NLGN4X: variants seen among roughly 807,000 people sequenced by gnomAD.
NLGN4X encodes neuroligin 4 X-linked.
NLGN4X carries 3 observed loss-of-function variants against 40.3 expected under a neutral mutation model. The ratio of observed to expected loss-of-function variants is 0.07; its 90% CI spans 0.03 to 0.19. The LOEUF is 0.19. Ranked by LOEUF, NLGN4X falls within the 10% of genes least tolerant of loss-of-function variation. The probability of loss-of-function intolerance (pLI) is 1.00; values close to 1 mark genes in which losing one functional copy is unlikely to be tolerated. For synonymous variants in NLGN4X, 270 were observed against 306.8 expected (o/e 0.88, Z 1.25); for missense variants, 382 against 708.3 (o/e 0.54, Z 5.23).
intron 1 of NLGN4X, among the ~76,000 whole-genome samples, chrX:6,168,632 T>C (rs1051113640): frequency 4.5e-5 from 5 of 111,698 alleles, no homozygotes; most frequent in South Asian, 3.7e-4. Context: ...TGCCATCATG[T>C]CCAGCTATTT....
chrX:5,913,036 TGGGA>T (rs1217087363), intron 3 of NLGN4X, among the ~76,000 whole-genome samples: 825 of 9,042 alleles, frequency 0.091, 40 homozygotes, highest in African/African-American at 0.25. Context: ...GTAAGGAAGG[TGGGA>T]GGGAGGGAGG....
At chrX:5,901,329 G>A (rs866789220) in intron 5 of NLGN4X, among the ~76,000 whole-genome samples, 5 of 111,897 alleles carry the variant, frequency 4.5e-5, no homozygotes, top group South Asian at 7.5e-4. Flanking sequence ...CATTCCGCAC[G>A]GGAAGATTTA....
chrX:6,085,847 C>T (rs755742726), intron 2 of NLGN4X, among the ~76,000 whole-genome samples: 1 of 112,171 alleles, frequency 8.9e-6, no homozygotes, highest in Non-Finnish European at 1.9e-5. Context: ...GAAATCAAGT[C>T]AATGTCTTCA....
At chrX:5,998,410 CAAA>C (rs11344030) in intron 3 of NLGN4X, among the ~76,000 whole-genome samples, 9 of 77,208 alleles carry the variant, frequency 1.2e-4, no homozygotes, top group African/African-American at 9.4e-5. Context: ...AACTCCTTCT[CAAA>C]AAAAAAAAAA....
chrX:6,223,665 A>T (rs1298737440), intron 1 of NLGN4X, among the ~76,000 whole-genome samples: 2 of 112,501 alleles, frequency 1.8e-5, no homozygotes, highest in African/African-American at 6.5e-5. Context: ...GAACTGGAAA[A>T]TATTCGTTGA....
At chrX:6,057,578 C>T (rs1294380375) in intron 2 of NLGN4X, among the ~76,000 whole-genome samples, 2 of 111,840 alleles carry the variant, frequency 1.8e-5, no homozygotes, top group Non-Finnish European at 3.8e-5. Flanking sequence ...TCACAAAATG[C>T]CTTTCATAGT....
At chrX:5,908,915 G>A (rs1475652604) in intron 4 of NLGN4X, 139 bp downstream of exon 4, 2 of 656,765 alleles carry the variant, frequency 3.0e-6, no homozygotes, top group Non-Finnish European at 4.6e-6. Flanking sequence ...CATGAAGATG[G>A]ATTCATTTGA....
chrX:6,074,411 A>G (rs1441130721), intron 2 of NLGN4X, among the ~76,000 whole-genome samples: 2 of 111,535 alleles, frequency 1.8e-5, no homozygotes, highest in South Asian at 7.6e-4. Context: ...TCAGGTCTTT[A>G]TGGTTTCTCC....
At chrX:6,113,852 C>T (rs2039210179) in intron 2 of NLGN4X, among the ~76,000 whole-genome samples, 1 of 111,122 alleles carries the variant, frequency 9.0e-6, no homozygotes, top group Non-Finnish European at 1.9e-5. Flanking sequence ...TGGAGTCTTG[C>T]CCTGTCACCC....
intron 3 of NLGN4X, among the ~76,000 whole-genome samples, chrX:5,969,244 A>G (rs1013337304): frequency 9.0e-6 from 1 of 111,049 alleles, no homozygotes; most frequent in South Asian, 3.8e-4. Flanking sequence ...GCAACCTACA[A>G]AATGGGAGAA....
At chrX:5,941,183 GT>G (rs2033929083) in intron 3 of NLGN4X, among the ~76,000 whole-genome samples, 1 of 23,845 alleles carries the variant, frequency 4.2e-5, no homozygotes, top group Admixed American at 5.1e-4. Flanking sequence ...GCTAGGGGGT[GT>G]GTGTGTGTGT....
At chrX:5,957,421 A>T (rs2034528436) in intron 3 of NLGN4X, among the ~76,000 whole-genome samples, 1 of 111,871 alleles carries the variant, frequency 8.9e-6, no homozygotes, top group Admixed American at 9.6e-5. Flanking sequence ...CAGCAAATAT[A>T]TATGACATAA....
At chrX:6,102,283 C>T (rs976115399) in intron 2 of NLGN4X, among the ~76,000 whole-genome samples, 4 of 111,126 alleles carry the variant, frequency 3.6e-5, no homozygotes, top group Non-Finnish European at 5.7e-5. Context: ...CATGTACCCA[C>T]AAAAATTAGA....
intron 3 of NLGN4X, among the ~76,000 whole-genome samples, chrX:5,942,587 A>G (rs111872812): frequency 0.045 from 4,967 of 109,638 alleles, 301 homozygotes; most frequent in African/African-American, 0.16. Context: ...AAGCTGAGGC[A>G]GAGGTTGCAT....
intron 3 of NLGN4X, among the ~76,000 whole-genome samples, chrX:6,025,776 C>T (rs965195775): frequency 7.4e-5 from 8 of 108,492 alleles, no homozygotes; most frequent in African/African-American, 2.0e-4. Context: ...TGGTGGCAGG[C>T]GCCTGTAATC....
At chrX:6,050,853 C>T (rs774672823) in intron 2 of NLGN4X, among the ~76,000 whole-genome samples, 2 of 111,384 alleles carry the variant, frequency 1.8e-5, no homozygotes, top group South Asian at 7.6e-4. Context: ...ACCTATTTAT[C>T]TCCTGGTGAC....
intron 1 of NLGN4X, among the ~76,000 whole-genome samples, chrX:6,158,634 A>AT (rs913016298): frequency 3.3e-4 from 37 of 110,801 alleles, no homozygotes; most frequent in African/African-American, 5.2e-4. Context: ...CTGCAGCCCC[A>AT]TTTTTTTTTC....
At chrX:6,221,972 CA>C (rs1342867011) in intron 1 of NLGN4X, among the ~76,000 whole-genome samples, 1 of 111,974 alleles carries the variant, frequency 8.9e-6, no homozygotes, top group Admixed American at 9.5e-5. Context: ...TTTACAAAAA[CA>C]AACCACAATT....
intron 1 of NLGN4X, among the ~76,000 whole-genome samples, chrX:6,211,126 T>A (rs1353198343): frequency 1.8e-5 from 2 of 112,322 alleles, no homozygotes; most frequent in Non-Finnish European, 3.8e-5. Context: ...TGCCTTTTTT[T>A]ATCATAACCA....
Sources: gnomAD v4.1 joint callset for allele counts (sites outside exome capture counted in the v4.1 genomes callset) on GRCh38, gnomAD v4.1.1 for gene constraint, MANE v1.5 for transcripts, NCBI Gene and HGNC (gene_info 2026-07-23, HGNC 2026-07-21) for gene names.